ADRA1A: variants seen among roughly 807,000 people sequenced by gnomAD.
ADRA1A encodes adrenoceptor alpha 1A.
ADRA1A carries 31 observed loss-of-function variants against 29.6 expected under a neutral mutation model. The ratio of observed to expected loss-of-function variants is 1.05; its 90% CI spans 0.79 to 1.41. ADRA1A has a LOEUF of 1.41. Among genes scored for constraint, ADRA1A ranks in the 40% most tolerant of loss-of-function variants. ADRA1A has a pLI of 0.00. For missense variants in ADRA1A, 619 were observed against 601.1 expected, an observed-to-expected ratio of 1.03 and a Z score of -0.31; for synonymous variants, 311 against 254.3, an observed-to-expected ratio of 1.22 and a Z score of -2.12.
chr8:26,799,392 G>T (rs1383096571), intron 2 of ADRA1A, among the ~76,000 whole-genome samples: 1 of 152,184 alleles, frequency 6.6e-6, no homozygotes, highest in African/African-American at 2.4e-5. Context: ...GGTGAAATTT[G>T]CAAGGCAAGG....
rs1331008345 is a variant in ADRA1A at position 26,831,116 on chromosome 8, C to T, written c.883+32971G>A. ...GCCATCACAGTCTCTGGAGCTGTAA[C>T]CTAATCACATATCCTTGGCAGCAAA... On this transcript the variant is annotated intron_variant, in intron 2 of 2. Coordinates refer to ENST00000380573, the MANE Select transcript of ADRA1A (RefSeq NM_000680.4). The surrounding 1 kb of genome is among the most constrained non-coding windows in gnomAD (Gnocchi z 5.2). Among the ~76,000 whole-genome samples, 1 of 152,106 alleles carries T rather than the reference C, an allele frequency of 6.6e-6. No individual in the cohort carries two copies. Among genetic ancestry groups the T allele is most frequent in the Non-Finnish European group, 1.5e-5 (1 of 68,026 alleles).
intron 2 of ADRA1A, among the ~76,000 whole-genome samples, chr8:26,810,524 A>G (rs1029869421): frequency 3.3e-5 from 5 of 152,252 alleles, no homozygotes; most frequent in Admixed American, 6.5e-5. Context: ...ATGACCTAAA[A>G]CAATTCAAAT....
chr8:26,864,634 C>A lies in ADRA1A; in HGVS notation c.336G>T (p.Ala112=). The change falls in exon 2 of 3, where the codon GCG becomes GCT. Residue 112 remains alanine, a synonymous_variant. Transcript: ENST00000380573. This position sits in a 1 kb window ranked among gnomAD's most constrained non-coding sequence, Gnocchi z 8.1. ...WAAVDVLCCT[A]SIMGLCIISI... is the part of the protein sequence containing the mutation. ...AGATGATGCAGAGGCCCATGATGGA[C>A]GCGGTGCAGCACAGCACATCCACTG... 6.2e-7 allele frequency: 1 copy of A among 1,614,106 alleles called. No individual in the cohort carries two copies. Among genetic ancestry groups the A allele is most frequent in the East Asian group, 2.2e-5 (1 of 44,864 alleles).
rs1810316106 is a variant in ADRA1A, at chr8:26,823,306, A to G, written c.883+40781T>C. The stretch of plus-strand genomic sequence containing the variant: ...CACTGTCACGTGCTGGGGGCTGGGC[A>G]TGGGCGGTGACTTCCATCTGCTTCC... On this transcript the variant is annotated intron_variant, in intron 2 of 2. Coordinates refer to ENST00000380573, the MANE Select transcript of ADRA1A (RefSeq NM_000680.4). The surrounding 1 kb of genome is among the most constrained non-coding windows in gnomAD (Gnocchi z 4.2). Among the ~76,000 whole-genome samples the G allele has an allele frequency of 6.6e-6, 1 of 152,088 alleles. No individual in the cohort carries two copies. The highest frequency in any genetic ancestry group is 2.4e-5 in the African/African-American group (1 of 41,410).
downstream of ADRA1A, among the ~76,000 whole-genome samples, chr8:26,755,725 G>A (rs1309821109): frequency 6.6e-6 from 1 of 152,170 alleles, no homozygotes; most frequent in Non-Finnish European, 1.5e-5. Context: ...CATCACAGGT[G>A]CTTGGAGGGC....
chr8:26,763,280 C>T (rs1221741784), downstream of ADRA1A, among the ~76,000 whole-genome samples: 1 of 152,116 alleles, frequency 6.6e-6, no homozygotes, highest in African/African-American at 2.4e-5. The surrounding 1 kb of genome is among the most constrained non-coding windows in gnomAD (Gnocchi z 4.5). Flanking sequence ...CTCTTGGGGT[C>T]CTCTGGGGAC....
chr8:26,812,736 C>T (rs1809487099), intron 2 of ADRA1A, among the ~76,000 whole-genome samples: 1 of 151,776 alleles, frequency 6.6e-6, no homozygotes, highest in Admixed American at 6.6e-5. Flanking sequence ...GCGGTCTCGG[C>T]TCACTGCAAG....
At chr8:26,836,428 A>C (rs1332852158) in intron 2 of ADRA1A, 1 of 152,526 alleles carries the variant, frequency 6.6e-6, no homozygotes, top group Non-Finnish European at 1.5e-5. Context: ...CTAATCCTGC[A>C]AAAGTCCCTT....
At chr8:26,810,403 C>T (rs1038259741) in intron 2 of ADRA1A, among the ~76,000 whole-genome samples, 1 of 152,156 alleles carries the variant, frequency 6.6e-6, no homozygotes, top group Admixed American at 6.5e-5. Context: ...AGAGAGATTG[C>T]ATGTGTACCT....
chr8:26,852,042 T>C (rs1474071117), intron 2 of ADRA1A, among the ~76,000 whole-genome samples: 2 of 152,136 alleles, frequency 1.3e-5, no homozygotes, highest in Non-Finnish European at 2.9e-5. Context: ...TCACACTCTC[T>C]GACCACAATG....
intron 2 of ADRA1A, among the ~76,000 whole-genome samples, chr8:26,820,812 T>C (rs1810111944): frequency 1.3e-5 from 2 of 152,342 alleles, no homozygotes; most frequent in Non-Finnish European, 2.9e-5. Flanking sequence ...GAGTTAATTG[T>C]AGATTCATAT....
In ADRA1A at chr8:26,866,868, A is replaced by C. The variant is rs1585875199; in HGVS notation, c.-687+68T>G. The C allele has an allele frequency of 6.1e-6, 6 of 985,286 alleles. No individual in the cohort carries two copies. Among genetic ancestry groups the C allele is most frequent in the Non-Finnish European group, 7.2e-6 (6 of 829,962 alleles). 61.0% of individuals were successfully genotyped at this position (985,286 alleles called of 1,614,324 possible). A position where few individuals can be genotyped will look rare whatever the true frequency, so the allele number is the denominator to read the frequency against. On this transcript the variant is annotated intron_variant, in intron 1 of 2. Transcript: ENST00000380573. This position sits in a 1 kb window ranked among gnomAD's most constrained non-coding sequence, Gnocchi z 5.7. The stretch of plus-strand genomic sequence containing the variant: ...CTGGGAAAAGTGGGGGTTCCGTCTC[A>C]CCAGACGGCGGGGGAGGTCTGCCCT...
At chr8:26,777,577 C>T (rs1806640859) in intron 2 of ADRA1A, among the ~76,000 whole-genome samples, 1 of 152,184 alleles carries the variant, frequency 6.6e-6, no homozygotes, top group Non-Finnish European at 1.5e-5. Flanking sequence ...TAACTGGGGC[C>T]TGAAATTGTA....
intron 2 of ADRA1A, among the ~76,000 whole-genome samples, chr8:26,817,769 C>G (rs73562190): frequency 1.3e-5 from 2 of 152,100 alleles, no homozygotes; most frequent in African/African-American, 2.4e-5. Context: ...CAGAGCGAGA[C>G]CTTATCTCAG....
intron 2 of ADRA1A, among the ~76,000 whole-genome samples, chr8:26,760,431 T>G (rs189025492): frequency 6.6e-6 from 1 of 152,298 alleles, no homozygotes; most frequent in Non-Finnish European, 1.5e-5. Flanking sequence ...CATCCTCATA[T>G]CAAATCCAAA....
intron 2 of ADRA1A, among the ~76,000 whole-genome samples, chr8:26,778,381 G>A (rs980473563): frequency 1.3e-5 from 2 of 152,138 alleles, no homozygotes; most frequent in African/African-American, 2.4e-5. Flanking sequence ...TCAGGAAAAA[G>A]CTAGCAATAA....
chr8:26,826,724 C>G (rs1319872734), intron 2 of ADRA1A, among the ~76,000 whole-genome samples: 1 of 152,152 alleles, frequency 6.6e-6, no homozygotes, highest in Non-Finnish European at 1.5e-5. Flanking sequence ...CCCAGACAGA[C>G]AGCAAGATCT....
At chr8:26,762,441 G>A (rs1805558781), downstream of ADRA1A, among the ~76,000 whole-genome samples, 1 of 152,188 alleles carries the variant, frequency 6.6e-6, no homozygotes, top group Admixed American at 6.5e-5. The surrounding 1 kb of genome is among the most constrained non-coding windows in gnomAD (Gnocchi z 4.0). Flanking sequence ...GGAAGAGGAT[G>A]GAGTTGCTGA....
chr8:26,754,307 A>G (rs966917632), downstream of ADRA1A, among the ~76,000 whole-genome samples: 1 of 152,208 alleles, frequency 6.6e-6, no homozygotes, highest in African/African-American at 2.4e-5. Flanking sequence ...ACAGAAGAGA[A>G]TGCTCCCTTG....
Sources: allele counts gnomAD v4.1 joint callset (sites outside exome capture counted in the v4.1 genomes callset), GRCh38; gene constraint gnomAD v4.1.1; non-coding constraint Gnocchi (gnomAD v3.1); transcripts MANE v1.5; gene names NCBI Gene and HGNC (gene_info 2026-07-23, HGNC 2026-07-21).